Variants in LRRC45 observed in about 807,000 individuals in gnomAD.
LRRC45 encodes the protein leucine-rich repeat-containing protein 45.
Under a neutral mutation model 85.4 loss-of-function variants are expected in LRRC45, and 73 were observed. That is an observed-to-expected ratio of 0.85 (90% CI 0.71 to 1.04). The LOEUF is 1.04. Ranked by LOEUF, LRRC45 falls within the 50% of genes least tolerant of loss-of-function variation. LRRC45 has a pLI of 0.00. For synonymous variants in LRRC45, 429 were observed against 386.0 expected (o/e 1.11, Z -1.31); for missense variants, 937 against 883.3 (o/e 1.06, Z -0.77).
At chr17:82,025,657 A>C in intron 5 of LRRC45, 150 bp downstream of exon 5, 1 of 1,044,866 alleles carries the variant, frequency 9.6e-7, no homozygotes, top group Admixed American at 3.4e-5. Flanking sequence ...GTCGTGGGGC[A>C]CCTGTTTGGC....
chr17:82,026,631 G>GT (rs1468265800), intron 5 of LRRC45, among the ~76,000 whole-genome samples: 1 of 150,864 alleles, frequency 6.6e-6, no homozygotes, highest in Non-Finnish European at 1.5e-5. Flanking sequence ...CCAGGCTGGA[G>GT]TGCAGTGGCG....
Position 82,030,082 on chromosome 17 carries a change from C to T in LRRC45, c.1512C>T (p.His504=). The T allele has an allele frequency of 6.5e-7, 1 of 1,545,768 alleles. No individual in the cohort carries two copies. The highest frequency in any genetic ancestry group is 8.7e-7 in the Non-Finnish European group (1 of 1,147,008). ...GCTCACAGCAACAGCGCCTGGCTCA[C>T]CTGGAGGACAAGCTGAGACTGCTGG... ...ARLEEQQRLA[H]LEDKLRLLAQ... is the part of the protein sequence containing the mutation. Residue 504 remains histidine (H), a synonymous_variant, in exon 15 of 17, where the codon CAC becomes CAT. Coordinates refer to ENST00000306688, the MANE Select transcript of LRRC45 (RefSeq NM_144999.4).
Position 82,028,486 on chromosome 17 carries a change from G to A in LRRC45, c.1215G>A (p.Lys405=). ...QEMTSMSAEL[K]MRAIQAEERL... The stretch of plus-strand genomic sequence containing the variant: ...TGACCAGCATGTCAGCTGAGCTGAA[G>A]ATGCGGGCCATCCAGGCCGAGGGTG... The change falls in exon 11 of 17, where the codon AAG becomes AAA. Residue 405 remains lysine, a synonymous_variant. Coordinates refer to ENST00000306688, the MANE Select transcript of LRRC45 (RefSeq NM_144999.4). 2 of 1,612,572 alleles carry A rather than the reference G, an allele frequency of 1.2e-6. No individual in the cohort carries two copies. Among genetic ancestry groups the A allele is most frequent in the African/African-American group, 1.3e-5 (1 of 75,056 alleles).
chr17:82,025,396 G>A lies in LRRC45; in HGVS notation c.550G>A (p.Val184Ile), dbSNP rs373267378. Residue 184 changes from valine to isoleucine, a missense_variant, in exon 5 of 17, where the codon GTT (valine) becomes ATT (isoleucine). Transcript: ENST00000306688. ...CCTTCCAGACCTGCGCTGGAATAACGTTGGCCTCCTGGGGGGCCGGGCCCT... is the reference window on the plus strand; with the variant it reads ...CCTTCCAGACCTGCGCTGGAATAACATTGGCCTCCTGGGGGGCCGGGCCCT... ...LQQLDLRWNN[V>I]GLLGGRALMN... 52 of 1,591,948 alleles carry A rather than the reference G, an allele frequency of 3.3e-5. No individual in the cohort carries two copies. The highest frequency in any genetic ancestry group is 1.7e-4 in the Middle Eastern group (1 of 5,994).
At position 82,029,597 on chromosome 17, in the gene LRRC45, G is replaced by T; in HGVS notation, c.1456G>T (p.Glu486Ter). 2 of 1,581,170 alleles carry T rather than the reference G, an allele frequency of 1.3e-6. No individual in the cohort carries two copies. The highest frequency in any genetic ancestry group is 1.7e-6 in the Non-Finnish European group (2 of 1,165,034). ...CAGCGAGCGTGGCCAGGCTGAGGAG[G>T]AGCTGATCAAGGCCAAGAGCCAGGC... is the stretch of plus-strand genomic sequence containing the variant. ...ALSERGQAEE[E>*]LIKAKSQARL... Residue 486 changes from glutamate (E) to a stop codon, truncating the protein, a stop_gained, in exon 14 of 17, where the codon GAG becomes TAG. Coordinates refer to ENST00000306688, the MANE Select transcript of LRRC45 (RefSeq NM_144999.4). LOFTEE classifies it high-confidence loss of function.
In LRRC45 at chr17:82,028,089, G is replaced by A. The variant is rs766189850; in HGVS notation, c.990G>A (p.Glu330=). 11 of 1,587,516 alleles carry A rather than the reference G, an allele frequency of 6.9e-6. No homozygotes were observed. Among genetic ancestry groups the A allele is most frequent in the East Asian group, 2.3e-5 (1 of 43,612 alleles). The change falls in exon 9 of 17, where the codon GAG becomes GAA. Residue 330 remains glutamate (E), a synonymous_variant. Coordinates refer to ENST00000306688, the MANE Select transcript of LRRC45 (RefSeq NM_144999.4). ...TGGGGGAGCTCCTGGCCACAGCGGAGCAGGAGCAGCTGAGCCTGTCACAGA... is the reference window on the plus strand; with the variant it reads ...TGGGGGAGCTCCTGGCCACAGCGGAACAGGAGCAGCTGAGCCTGTCACAGA... The part of the protein sequence containing the change: ...QDLGELLATA[E]QEQLSLSQRQ...
chr17:82,027,343 G>C (rs2043376399), intron 6 of LRRC45, 43 bp from the exon 7 acceptor site: 1 of 1,609,002 alleles, frequency 6.2e-7, no homozygotes, highest in African/African-American at 1.3e-5. Flanking sequence ...AGGTGGACAG[G>C]CTGCAGGTGC....
At chr17:82,029,032 TGAG>T (rs758297501) in intron 12 of LRRC45, 58 bp from the exon 13 acceptor site, 146 of 1,481,472 alleles carry the variant, frequency 9.9e-5, no homozygotes, top group Non-Finnish European at 1.2e-4. Flanking sequence ...GGGGAGTCCG[TGAG>T]GAGAAGGTAG....
rs963698272 is a variant in LRRC45 at position 82,024,074 on chromosome 17, C to T, written c.221-204C>T. The T allele has an allele frequency of 2.7e-5, 20 of 730,554 alleles. No homozygotes were observed. In the East Asian group the frequency reaches 5.4e-4, roughly 20 times the overall value. The allele number at this position is 730,554 out of a possible 1,614,324, so 45.3% of individuals were successfully genotyped here. ...ACATTCGCGGTCTTACCTGGTTCCC[C>T]GCGTGCAGAGCCGGCTTGGTGCCTG... is the stretch of plus-strand genomic sequence containing the variant. On this transcript the variant is annotated intron_variant, in intron 1 of 16. Transcript: ENST00000306688.
chr17:82,026,800 G>GAACCCCTGACCTCAGGTGATCC, intron 5 of LRRC45, 99 bp from the exon 6 acceptor site: 2 of 892,978 alleles, frequency 2.2e-6, no homozygotes, highest in Non-Finnish European at 3.5e-6. Flanking sequence ...GGCTGGTCTC[G>GAACCCCTGACCTCAGGTGATCC]AACCCCTGAC....
intron 8 of LRRC45, 115 bp from the exon 9 acceptor site, chr17:82,027,896 G>T: frequency 6.6e-7 from 1 of 1,510,864 alleles, no homozygotes; most frequent in East Asian, 2.3e-5. Flanking sequence ...CTTCCTGGAG[G>T]AGGCGGGTGC....
chr17:82,025,305 G>C (rs757489899), intron 4 of LRRC45, 74 bp from the exon 5 acceptor site: 175 of 1,528,860 alleles, frequency 1.1e-4, no homozygotes, highest in Non-Finnish European at 1.3e-4. Flanking sequence ...GTGCCCCCTA[G>C]GGAAGCACCC....
chr17:82,030,367 C>A lies in LRRC45; in HGVS notation c.1717C>A (p.Arg573Ser). Residue 573 changes from arginine to serine, a missense_variant, in exon 16 of 17, where the codon CGC (arginine) becomes AGC (serine). Coordinates refer to ENST00000306688, the MANE Select transcript of LRRC45 (RefSeq NM_144999.4). ...AAGGGTGGCCGAGGTGAGCAGGGTG[C>A]GCGTGGAGCTGCAGGAGCAGAACGG... ...QERVAEVSRVRVELQEQNGRL... is the reference protein window; with the variant it reads ...QERVAEVSRVSVELQEQNGRL... 1 of 1,549,862 alleles carries A rather than the reference C, an allele frequency of 6.5e-7. No individual in the cohort carries two copies. The highest frequency in any genetic ancestry group is 8.7e-7 in the Non-Finnish European group (1 of 1,146,830).
In LRRC45 at chr17:82,023,517, T is replaced by C. The variant is rs2043332539; in HGVS notation, c.-127T>C. 2 of 825,116 alleles carry C rather than the reference T, an allele frequency of 2.4e-6. No homozygotes were observed. Among genetic ancestry groups the C allele is most frequent in the Admixed American group, 6.1e-5 (2 of 32,670 alleles). 51.1% of individuals were successfully genotyped at this position (825,116 alleles called of 1,614,324 possible). On this transcript the variant is annotated 5_prime_UTR_variant, in exon 1 of 17. Coordinates refer to ENST00000306688, the MANE Select transcript of LRRC45 (RefSeq NM_144999.4). ...CTCCCGCCCGCGGAGCCCACTCGGA[T>C]TGCTCTCCGCCCGGGTCGGCGGAGG...
chr17:82,028,435 G>A lies in LRRC45; in HGVS notation c.1164G>A (p.Glu388=). Residue 388 remains glutamate (E), a synonymous_variant, in exon 11 of 17, where the codon GAG becomes GAA. Coordinates refer to ENST00000306688, the MANE Select transcript of LRRC45 (RefSeq NM_144999.4). ...ELERKFRCQQ[E]QLFQTRQEMT... is the part of the protein sequence containing the mutation. Reference sequence around the variant, plus strand: ...AGCGGAAGTTCAGGTGTCAGCAGGAGCAGCTGTTCCAGACCAGGCAGGAGA... The same window carrying A: ...AGCGGAAGTTCAGGTGTCAGCAGGAACAGCTGTTCCAGACCAGGCAGGAGA... The A allele has an allele frequency of 6.2e-7, 1 of 1,612,776 alleles. No individual in the cohort carries two copies. The highest frequency in any genetic ancestry group is 8.5e-7 in the Non-Finnish European group (1 of 1,179,980).
chr17:82,029,109 G>A lies in LRRC45; in HGVS notation c.1325G>A (p.Arg442His), dbSNP rs374888203. 1.6e-5 allele frequency: 26 copies of A among 1,612,442 alleles called. No individual in the cohort carries two copies. The highest frequency in any genetic ancestry group is 5.0e-5 in the Admixed American group (3 of 59,988). The change falls in exon 13 of 17, where the codon CGT becomes CAT. Residue 442 changes from arginine to histidine, a missense_variant. Arg to His is a conservative substitution (Grantham distance 29). Transcript: ENST00000306688. Reference protein sequence around the residue: ...LRIKEVEHMTRHLEESEKAMQ... With the variant: ...LRIKEVEHMTHHLEESEKAMQ... The stretch of plus-strand genomic sequence containing the variant: ...CCTGAGCAGGTGGAGCATATGACCC[G>A]TCACCTGGAGGAGAGTGAGAAGGCC...
Position 82,023,815 on chromosome 17 carries a change from A to G in LRRC45, c.172A>G (p.Thr58Ala). The change falls in exon 1 of 17, where the codon ACG (threonine) becomes GCG (alanine). Residue 58 changes from threonine to alanine, a missense_variant. Coordinates refer to ENST00000306688, the MANE Select transcript of LRRC45 (RefSeq NM_144999.4). ...RALGKLLPRE[T>A]LCTELVLSDC... is the part of the protein sequence containing the mutation. ...CCTGGGCAAGCTGCTGCCGAGGGAG[A>G]CGCTGTGCACGGAGCTGGTCCTGAG... 6.4e-7 allele frequency: 1 copy of G among 1,569,860 alleles called. No homozygotes were observed. Among genetic ancestry groups the G allele is most frequent in the African/African-American group, 1.3e-5 (1 of 74,312 alleles).
chr17:82,029,920 GGT>G, intron 14 of LRRC45, 143 bp from the exon 15 acceptor site: 1 of 1,034,752 alleles, frequency 9.7e-7, no homozygotes, highest in Non-Finnish European at 1.4e-6. Context: ...ATCTGGAGGA[GGT>G]GGCTGCCAGG....
intron 14 of LRRC45, 123 bp downstream of exon 14, chr17:82,029,758 G>C: frequency 1.0e-6 from 1 of 972,250 alleles, no homozygotes; most frequent in East Asian, 2.6e-5. Flanking sequence ...GGTCAGATGA[G>C]CACACCCTGG....
Sources: allele counts gnomAD v4.1 joint callset (sites outside exome capture counted in the v4.1 genomes callset), GRCh38; gene constraint gnomAD v4.1.1; transcripts MANE v1.5; gene names NCBI Gene and HGNC (gene_info 2026-07-23, HGNC 2026-07-21).